Variants in CABCOCO1 observed in about 807,000 individuals in gnomAD.
CABCOCO1 encodes ciliary associated calcium binding coiled-coil 1.
A neutral mutation model predicts 35.7 loss-of-function variants in CABCOCO1; 28 were observed. That is an observed-to-expected ratio of 0.78 (90% CI 0.58 to 1.07). The LOEUF is 1.07. Ranked by LOEUF, CABCOCO1 falls within the 50% of genes least tolerant of loss-of-function variation. CABCOCO1 has a pLI of 0.00. For missense variants in CABCOCO1, 326 were observed against 309.2 expected (o/e 1.05, Z -0.41); for synonymous variants, 95 against 100.1 (o/e 0.95, Z 0.30).
At chr10:61,679,944 T>A (rs1470722938) in intron 2 of CABCOCO1, among the ~76,000 whole-genome samples, 1 of 151,652 alleles carries the variant, frequency 6.6e-6, no homozygotes, top group Non-Finnish European at 1.5e-5. Context: ...CTTGAAAAAA[T>A]TTTAAGGTTG....
intron 5 of CABCOCO1, among the ~76,000 whole-genome samples, chr10:61,698,945 T>C (rs1840366925): frequency 6.6e-6 from 1 of 152,130 alleles, no homozygotes; most frequent in African/African-American, 2.4e-5. Context: ...TATCTTTTTT[T>C]CTCTTCAGTT....
At chr10:61,715,443 T>A (rs1375773369) in intron 5 of CABCOCO1, among the ~76,000 whole-genome samples, 1 of 152,174 alleles carries the variant, frequency 6.6e-6, no homozygotes, top group Non-Finnish European at 1.5e-5. Context: ...TACAGCACAC[T>A]GATGGGTCTT....
chr10:61,747,876 T>C (rs560687666), intron 5 of CABCOCO1, among the ~76,000 whole-genome samples: 2 of 152,168 alleles, frequency 1.3e-5, no homozygotes, highest in African/African-American at 4.8e-5. Flanking sequence ...AACCCTCACA[T>C]CAAGGCTGTC....
chr10:61,689,531 A>T (rs557485998), intron 4 of CABCOCO1, among the ~76,000 whole-genome samples: 8 of 152,114 alleles, frequency 5.3e-5, no homozygotes, highest in Non-Finnish European at 1.2e-4. Flanking sequence ...CTGCCGGAGG[A>T]TTTCTTCATT....
intron 5 of CABCOCO1, among the ~76,000 whole-genome samples, chr10:61,746,854 C>CA (rs201400318): frequency 2.9e-4 from 43 of 150,578 alleles, no homozygotes; most frequent in Middle Eastern, 3.4e-3. Context: ...TCTCTGCAAA[C>CA]AAAAAAAAAC....
At chr10:61,746,067 CT>C (rs1230594470) in intron 5 of CABCOCO1, among the ~76,000 whole-genome samples, 1 of 152,198 alleles carries the variant, frequency 6.6e-6, no homozygotes, top group Non-Finnish European at 1.5e-5. Context: ...ACAAAGGAGT[CT>C]ACAAAATATA....
chr10:61,750,534 C>T (rs2132079298), intron 5 of CABCOCO1, among the ~76,000 whole-genome samples: 1 of 152,286 alleles, frequency 6.6e-6, no homozygotes, highest in Admixed American at 6.5e-5. Context: ...CGAGATCGTG[C>T]CACTGGACTC....
At chr10:61,703,521 ATAC>A (rs1840515887) in intron 5 of CABCOCO1, among the ~76,000 whole-genome samples, 1 of 152,134 alleles carries the variant, frequency 6.6e-6, no homozygotes, top group Non-Finnish European at 1.5e-5. Context: ...TAAATATAAC[ATAC>A]TAATATTCAT....
chr10:61,765,962 A>G lies in CABCOCO1; in HGVS notation c.840A>G (p.Gln280=). The change falls in exon 8 of 8, where the codon CAA becomes CAG. Residue 280 remains glutamine, a synonymous_variant. Transcript: ENST00000648843. ...AGACCGAGATAAACGAAAAACTGCA[A>G]ATACAGGAAGAGGCCTTTAATGCAC... The part of the protein sequence containing the change: ...GIQTEINEKL[Q]IQEEAFNARI... 6.2e-7 allele frequency: 1 copy of G among 1,613,484 alleles called. No individual in the cohort carries two copies. Among genetic ancestry groups the G allele is most frequent in the East Asian group, 2.2e-5 (1 of 44,868 alleles).
chr10:61,723,495 T>C lies in CABCOCO1; in HGVS notation c.552+32874T>C, dbSNP rs566820135. Among the ~76,000 whole-genome samples the C allele has an allele frequency of 3.3e-5, 5 of 152,286 alleles. No homozygotes were observed. In the South Asian group the frequency reaches 1.0e-3, roughly 32 times the overall value. ...TAATAAGAGAATGAAACAGGCAGTGTATTAGTGTGCTCAGATTGCCATAGC... is the reference window on the plus strand; with the variant it reads ...TAATAAGAGAATGAAACAGGCAGTGCATTAGTGTGCTCAGATTGCCATAGC... On this transcript the variant is annotated intron_variant, in intron 5 of 7. Transcript: ENST00000648843.
At chr10:61,747,552 T>A (rs1841689674) in intron 5 of CABCOCO1, among the ~76,000 whole-genome samples, 1 of 152,202 alleles carries the variant, frequency 6.6e-6, no homozygotes, top group Admixed American at 6.5e-5. Flanking sequence ...TTAAGCCAAT[T>A]AATGCTGTGG....
At chr10:61,735,485 C>T (rs964506722) in intron 5 of CABCOCO1, among the ~76,000 whole-genome samples, 1 of 152,078 alleles carries the variant, frequency 6.6e-6, no homozygotes, top group East Asian at 1.9e-4. Flanking sequence ...GCTTATTCCC[C>T]CACCAACCCC....
Position 61,681,124 on chromosome 10 carries a change from T to C in CABCOCO1, c.165-19T>C, listed in dbSNP as rs879624102. On this transcript the variant is annotated intron_variant, in intron 2 of 7. Transcript: ENST00000648843. ...TATCTAATCTGAATTAATATGTGGA[T>C]TTTTGTTTTATTTTACAGAAAACTG... 1.5e-6 allele frequency: 2 copies of C among 1,378,936 alleles called. No homozygotes were observed. Among genetic ancestry groups the C allele is most frequent in the Non-Finnish European group, 1.9e-6 (2 of 1,032,378 alleles). 85.4% of individuals were successfully genotyped at this position (1,378,936 alleles called of 1,614,324 possible).
intron 2 of CABCOCO1, among the ~76,000 whole-genome samples, chr10:61,675,359 C>G (rs534364658): frequency 6.6e-6 from 1 of 151,966 alleles, no homozygotes; most frequent in Non-Finnish European, 1.5e-5. Context: ...GTACAATGAC[C>G]GAGCAAAGAA....
At chr10:61,733,109 C>A (rs1354002692) in intron 5 of CABCOCO1, among the ~76,000 whole-genome samples, 1 of 151,924 alleles carries the variant, frequency 6.6e-6, no homozygotes, top group Non-Finnish European at 1.5e-5. Context: ...TAACTAATAC[C>A]ATTTACATAT....
intron 5 of CABCOCO1, among the ~76,000 whole-genome samples, chr10:61,719,659 T>A (rs555736243): frequency 6.6e-4 from 100 of 152,116 alleles, no homozygotes; most frequent in Non-Finnish European, 1.3e-3. Flanking sequence ...CAGTGGCTCA[T>A]GCCTGTAATC....
intron 4 of CABCOCO1, among the ~76,000 whole-genome samples, chr10:61,688,333 A>G (rs1840027813): frequency 6.6e-6 from 1 of 152,208 alleles, no homozygotes; most frequent in Non-Finnish European, 1.5e-5. Flanking sequence ...TTGGGAGAGC[A>G]GTTTTTAGAA....
Position 61,760,091 on chromosome 10 carries a change from C to A in CABCOCO1, c.585C>A (p.Gly195=). The change falls in exon 6 of 8, where the codon GGC becomes GGA. Residue 195 remains glycine, a synonymous_variant. Coordinates refer to ENST00000648843, the MANE Select transcript of CABCOCO1 (RefSeq NM_001366906.2). ...QVIEVVKSAC[G]PFPNPLEEGI... is the part of the protein sequence containing the mutation. ...TAGAGGTTGTCAAGTCTGCATGTGG[C>A]CCTTTCCCAAATCCTCTGGAAGAAG... is the stretch of plus-strand genomic sequence containing the variant. 6.2e-7 allele frequency: 1 copy of A among 1,612,830 alleles called. No homozygotes were observed. Among genetic ancestry groups the A allele is most frequent in the Non-Finnish European group, 8.5e-7 (1 of 1,179,216 alleles).
At chr10:61,737,376 G>A (rs899624150) in intron 5 of CABCOCO1, among the ~76,000 whole-genome samples, 2 of 152,282 alleles carry the variant, frequency 1.3e-5, no homozygotes, top group East Asian at 3.9e-4. Flanking sequence ...TTCAATCATT[G>A]TGGAAAGCAG....
Sources: gnomAD v4.1 joint callset for allele counts (sites outside exome capture counted in the v4.1 genomes callset) on GRCh38, gnomAD v4.1.1 for gene constraint, MANE v1.5 for transcripts, NCBI Gene and HGNC (gene_info 2026-07-23, HGNC 2026-07-21) for gene names.